The following DDR1 variants were observed in gnomAD, a reference collection of about 807,000 sequenced individuals.
DDR1 encodes epithelial discoidin domain-containing receptor 1.
A neutral mutation model predicts 97.4 loss-of-function variants in DDR1; 64 were observed. The observed-to-expected ratio is 0.66, with a 90% CI of 0.54 to 0.81. The LOEUF is 0.81. Among genes scored for constraint, DDR1 ranks in the 30% least tolerant of loss-of-function variants. The pLI is 0.00. For missense variants in DDR1, 990 were observed against 1,259.6 expected (o/e 0.79, Z 3.24); for synonymous variants, 458 against 503.7 (o/e 0.91, Z 1.21).
At chr6:30,895,244 A>G (rs1313475042) in intron 11 of DDR1, among the ~76,000 whole-genome samples, 160 bp from the exon 12 acceptor site, 2 of 152,066 alleles carry the variant, frequency 1.3e-5, no homozygotes, top group South Asian at 2.1e-4. Flanking sequence ...TTCATTATCC[A>G]GCCAGCCGTC....
rs934376869 is a variant in DDR1 at position 30,898,987 on chromosome 6, G to T, written c.2551G>T (p.Glu851Ter). ...CCAGCCCTTTGGGCAGCTCACCGACGAGCAGGTCATCGAGAACGCGGGGGA... is the reference window on the plus strand; with the variant it reads ...CCAGCCCTTTGGGCAGCTCACCGACTAGCAGGTCATCGAGAACGCGGGGGA... ...RAQPFGQLTDEQVIENAGEFF... is the reference protein window; with the variant it reads ...RAQPFGQLTD The change falls in exon 17 of 18, where the codon GAG (glutamate) becomes TAG (stop). Residue 851 changes from glutamate to a stop codon, truncating the protein, a stop_gained. Transcript: ENST00000376568. LOFTEE classifies it high-confidence loss of function. 19 of 1,614,040 alleles carry T rather than the reference G, an allele frequency of 1.2e-5. No homozygotes were observed. Among genetic ancestry groups the T allele is most frequent in the Non-Finnish European group, 1.5e-5 (18 of 1,180,036 alleles).
In DDR1 at chr6:30,899,290, G is replaced by A. The variant is rs769668137; in HGVS notation, c.2736G>A (p.Thr912=). 8 of 1,607,142 alleles carry A rather than the reference G, an allele frequency of 5.0e-6. No individual in the cohort carries two copies. The highest frequency in any genetic ancestry group is 2.2e-5 in the South Asian group (2 of 90,678). Residue 912 remains threonine, a synonymous_variant, in exon 18 of 18, where the codon ACG becomes ACA. Transcript: ENST00000376568. ...TCCTGGCAGAGGATGCACTCAACACGGTGTGAATCACACATCCAGCTGCCC... is the reference window on the plus strand; with the variant it reads ...TCCTGGCAGAGGATGCACTCAACACAGTGTGAATCACACATCCAGCTGCCC... ...HRFLAEDALN[T]V is the part of the protein sequence containing the mutation.
Position 30,891,401 on chromosome 6 carries a change from C to G in DDR1, c.587C>G (p.Ala196Gly), listed in dbSNP as rs752481620. 19 of 1,612,812 alleles carry G rather than the reference C, an allele frequency of 1.2e-5. No individual in the cohort carries two copies. The East Asian group carries it at 3.1e-4, about 26-fold the overall frequency. Residue 196 changes from alanine (A) to glycine (G), a missense_variant, in exon 6 of 18, where the codon GCC becomes GGC. Ala to Gly is a moderately conservative substitution (Grantham distance 60, BLOSUM62 0). Coordinates refer to ENST00000376568, the MANE Select transcript of DDR1 (RefSeq NM_001297654.2). This position sits in a 1 kb window ranked among gnomAD's most constrained non-coding sequence, Gnocchi z 5.3. ...CCAGATGGACTCCTGTCTTACACCG[C>G]CCCTGTGGGGCAGACAATGTATTTA... Reference protein sequence around the residue: ...LWRDGLLSYTAPVGQTMYLSE... With the variant: ...LWRDGLLSYTGPVGQTMYLSE...
In DDR1 at chr6:30,894,568, C is replaced by T; in HGVS notation, c.1410C>T (p.Ile470=). ...TVHLSVPGDT[I]LINNRPGPRE... The stretch of plus-strand genomic sequence containing the variant: ...ACCTCTCTGTCCCTGGGGACACTAT[C>T]CTCATCAACAACCGCCCAGGTCCTA... Residue 470 remains isoleucine (I), a synonymous_variant, in exon 11 of 18, where the codon ATC becomes ATT. Coordinates refer to ENST00000376568, the MANE Select transcript of DDR1 (RefSeq NM_001297654.2). The surrounding 1 kb of genome is among the most constrained non-coding windows in gnomAD (Gnocchi z 5.7). The T allele has an allele frequency of 6.2e-7, 1 of 1,613,596 alleles. No homozygotes were observed. The highest frequency in any genetic ancestry group is 1.1e-5 in the South Asian group (1 of 91,004).
At chr6:30,885,590 A>G in intron 1 of DDR1, 1 of 1,397,324 alleles carries the variant, frequency 7.2e-7, no homozygotes, top group Non-Finnish European at 9.4e-7. Context: ...TTTTGGTCAC[A>G]GGAGCATGTG....
In DDR1 at chr6:30,889,187, C is replaced by G. The variant is rs749521641; in HGVS notation, c.189-15C>G. On this transcript the variant is annotated splice_polypyrimidine_tract_variant and intron_variant, in intron 3 of 17. Transcript: ENST00000376568. The surrounding 1 kb of genome is among the most constrained non-coding windows in gnomAD (Gnocchi z 4.9). ...CCTGGGGCCAGATGTTCTCTGTGCC[C>G]CTCTTCACCCTCAGGTTGGAGAGCA... 1.9e-6 allele frequency: 3 copies of G among 1,611,696 alleles called. No homozygotes were observed. The highest frequency in any genetic ancestry group is 2.7e-5 in the African/African-American group (2 of 74,904).
At position 30,891,861 on chromosome 6, in the gene DDR1, G is replaced by A. The variant is rs1390435668; in HGVS notation, c.666-141G>A. ...GAGGAGAAGGGCCAGCTGCATGAGT[G>A]TGAGGTGGGATGGGAATGGGACTAG... On this transcript the variant is annotated intron_variant, in intron 6 of 17. Coordinates refer to ENST00000376568, the MANE Select transcript of DDR1 (RefSeq NM_001297654.2). The surrounding 1 kb of genome is among the most constrained non-coding windows in gnomAD (Gnocchi z 5.3). 9 of 890,078 alleles carry A rather than the reference G, an allele frequency of 1.0e-5. No individual in the cohort carries two copies. Among genetic ancestry groups the A allele is most frequent in the South Asian group, 4.6e-5 (3 of 65,892 alleles). 55.1% of individuals were successfully genotyped at this position (890,078 alleles called of 1,614,324 possible). A position where few individuals can be genotyped will look rare whatever the true frequency, so the allele number is the denominator to read the frequency against.
In DDR1 at chr6:30,889,499, A is replaced by C; in HGVS notation, c.417+69A>C. ...CACTTCCAGCTGTACTTTAAACACC[A>C]CCTATACGCTGACGACTCTCCAGTT... is the stretch of plus-strand genomic sequence containing the variant. On this transcript the variant is annotated intron_variant, in intron 4 of 17. Transcript: ENST00000376568. This position sits in a 1 kb window ranked among gnomAD's most constrained non-coding sequence, Gnocchi z 4.9. The C allele has an allele frequency of 8.8e-7, 1 of 1,141,156 alleles. No individual in the cohort carries two copies. The highest frequency in any genetic ancestry group is 1.2e-6 in the Non-Finnish European group (1 of 829,680). 70.7% of individuals were successfully genotyped at this position (1,141,156 alleles called of 1,614,324 possible). A position where few individuals can be genotyped will look rare whatever the true frequency, so the allele number is the denominator to read the frequency against.
Position 30,891,145 on chromosome 6 carries a change from T to G in DDR1, c.565+25T>G, listed in dbSNP as rs1171173379. The G allele has an allele frequency of 3.1e-6, 5 of 1,612,244 alleles. No homozygotes were observed. The South Asian group carries it at 5.5e-5, about 18-fold the overall frequency. On this transcript the variant is annotated intron_variant, in intron 5 of 17. Coordinates refer to ENST00000376568, the MANE Select transcript of DDR1 (RefSeq NM_001297654.2). This position sits in a 1 kb window ranked among gnomAD's most constrained non-coding sequence, Gnocchi z 5.3. ...GGTGAGTGGCTCAGCTTCCTGGGAATCTGTTTCCTGAGCAGGGGACTGGAG... is the reference window on the plus strand; with the variant it reads ...GGTGAGTGGCTCAGCTTCCTGGGAAGCTGTTTCCTGAGCAGGGGACTGGAG...
intron 8 of DDR1, chr6:30,892,842 C>A (rs1582065313): frequency 3.4e-6 from 2 of 589,306 alleles, no homozygotes; most frequent in African/African-American, 3.7e-5. Flanking sequence ...TTCTCTAAGC[C>A]TCCAGATACC....
rs1476094522 is a variant in DDR1, at chr6:30,895,415, T to C, written c.1525T>C (p.Ser509Pro). Reference protein sequence around the residue: ...CVPNGSALLLSNPAYRLLLAT... With the variant: ...CVPNGSALLLPNPAYRLLLAT... ...CCTTCTCCCGACAGCGTTGCTGCTC[T>C]CCAATCCAGCCTACCGCCTCCTTCT... is the stretch of plus-strand genomic sequence containing the variant. The change falls in exon 12 of 18, where the codon TCC becomes CCC. Residue 509 changes from serine (S) to proline (P), a missense_variant. By Grantham distance (74) the Ser-to-Pro change is moderately conservative. Coordinates refer to ENST00000376568, the MANE Select transcript of DDR1 (RefSeq NM_001297654.2). The C allele has an allele frequency of 6.2e-7, 1 of 1,610,460 alleles. No homozygotes were observed. The highest frequency in any genetic ancestry group is 8.5e-7 in the Non-Finnish European group (1 of 1,178,854).
chr6:30,888,693 C>G lies in DDR1; in HGVS notation c.-37C>G. On this transcript the variant is annotated 5_prime_UTR_variant, in exon 2 of 18. Transcript: ENST00000376568. The surrounding 1 kb of genome is among the most constrained non-coding windows in gnomAD (Gnocchi z 4.2). Reference sequence around the variant, plus strand: ...ACCCATTTTATCCCCTGCAGAGATGCTGCCCCCACCCCCTTAGGCCCGAGG... The same window carrying G: ...ACCCATTTTATCCCCTGCAGAGATGGTGCCCCCACCCCCTTAGGCCCGAGG... 6.2e-7 allele frequency: 1 copy of G among 1,611,402 alleles called. No individual in the cohort carries two copies. The highest frequency in any genetic ancestry group is 8.5e-7 in the Non-Finnish European group (1 of 1,179,370).
rs1254714047 is a variant in DDR1 at position 30,889,043 on chromosome 6, C to A, written c.188+33C>A. On this transcript the variant is annotated intron_variant, in intron 3 of 17. Coordinates refer to ENST00000376568, the MANE Select transcript of DDR1 (RefSeq NM_001297654.2). The surrounding 1 kb of genome is among the most constrained non-coding windows in gnomAD (Gnocchi z 4.9). ...GCACACCTGGCACACTTGTAGCTGC[C>A]CCGAGAGGAGCTCCTGGGACCTCTA... The A allele has an allele frequency of 6.2e-7, 1 of 1,607,856 alleles. No individual in the cohort carries two copies. The highest frequency in any genetic ancestry group is 8.5e-7 in the Non-Finnish European group (1 of 1,175,512).
rs769242940 is a variant in DDR1 at position 30,895,509 on chromosome 6, C to T, written c.1619C>T (p.Thr540Ile). Reference protein sequence around the residue: ...PTPAWAKPTNTQAYSGDYMEP... With the variant: ...PTPAWAKPTNIQAYSGDYMEP... ...CCCGCCTGGGCCAAACCCACCAACACCCAGGGTAAGCCCCTCTGCCCCTGG... is the reference window on the plus strand; with the variant it reads ...CCCGCCTGGGCCAAACCCACCAACATCCAGGGTAAGCCCCTCTGCCCCTGG... The change falls in exon 12 of 18, where the codon ACC becomes ATC. Residue 540 changes from threonine (T) to isoleucine (I), a missense_variant. Transcript: ENST00000376568. 2 of 1,591,782 alleles carry T rather than the reference C, an allele frequency of 1.3e-6. No homozygotes were observed. The highest frequency in any genetic ancestry group is 1.7e-6 in the Non-Finnish European group (2 of 1,171,742).
At position 30,897,429 on chromosome 6, in the gene DDR1, A is replaced by G. The variant is rs1791319666; in HGVS notation, c.2048A>G (p.Asn683Ser). 1 of 1,614,102 alleles carries G rather than the reference A, an allele frequency of 6.2e-7. No individual in the cohort carries two copies. Among genetic ancestry groups the G allele is most frequent in the Non-Finnish European group, 8.5e-7 (1 of 1,180,008 alleles). Residue 683 changes from asparagine to serine, a missense_variant, in exon 15 of 18, where the codon AAC becomes AGC. Coordinates refer to ENST00000376568, the MANE Select transcript of DDR1 (RefSeq NM_001297654.2). This position sits in a 1 kb window ranked among gnomAD's most constrained non-coding sequence, Gnocchi z 5.2. ...VKIMSRLKDP[N>S]IIRLLGVCVQ... ...ATCATGTCGAGGCTCAAGGACCCAA[A>G]CATCATTCGGCTGCTGGGCGTGTGT...
In DDR1 at chr6:30,898,299, A is replaced by C; in HGVS notation, c.2443A>C (p.Ile815Leu). The C allele has an allele frequency of 6.2e-7, 1 of 1,612,696 alleles. No individual in the cohort carries two copies. Among genetic ancestry groups the C allele is most frequent in the South Asian group, 1.1e-5 (1 of 91,028 alleles). ...LPIRWMAWEC[I>L]LMGKFTTASD... Reference sequence around the variant, plus strand: ...CATCCGCTGGATGGCCTGGGAGTGCATCCTCATGGTGAGCAGCCCGAGGAC... The same window carrying C: ...CATCCGCTGGATGGCCTGGGAGTGCCTCCTCATGGTGAGCAGCCCGAGGAC... The change falls in exon 16 of 18, where the codon ATC (isoleucine) becomes CTC (leucine). Residue 815 changes from isoleucine to leucine, a missense_variant. Coordinates refer to ENST00000376568, the MANE Select transcript of DDR1 (RefSeq NM_001297654.2).
chr6:30,884,156 G>A (rs7757648), upstream of DDR1: 3,097 of 152,432 alleles, frequency 0.02, 49 homozygotes, highest in Admixed American at 0.035. This position sits in a 1 kb window ranked among gnomAD's most constrained non-coding sequence, Gnocchi z 6.1. Context: ...GTTCTCGTTT[G>A]GGGAAGCGGG....
In DDR1 at chr6:30,890,039, T is replaced by C. The variant is rs555490660; in HGVS notation, c.417+609T>C. On this transcript the variant is annotated intron_variant, in intron 4 of 17. Coordinates refer to ENST00000376568, the MANE Select transcript of DDR1 (RefSeq NM_001297654.2). The surrounding 1 kb of genome is among the most constrained non-coding windows in gnomAD (Gnocchi z 5.0). ...ACCTGCCCGCCATCTCCAGCTTAGATGAGTGCAGTAGATGCCAAACGCGTC... is the reference window on the plus strand; with the variant it reads ...ACCTGCCCGCCATCTCCAGCTTAGACGAGTGCAGTAGATGCCAAACGCGTC... 5.3e-5 allele frequency among the ~76,000 whole-genome samples: 8 copies of C among 152,326 alleles called. No homozygotes were observed. The East Asian group carries it at 1.5e-3, about 29-fold the overall frequency.
chr6:30,889,436 A>ACCG lies in DDR1; in HGVS notation c.417+7_417+8insCGC. On this transcript the variant is annotated splice_region_variant and intron_variant, in intron 4 of 17. Coordinates refer to ENST00000376568, the MANE Select transcript of DDR1 (RefSeq NM_001297654.2). This position sits in a 1 kb window ranked among gnomAD's most constrained non-coding sequence, Gnocchi z 4.9. ...AGGACCGCTGGGGTCAGGAGGTGAG[A>ACCG]CTGGCAGGGGCAGCACCCAGAGGAG... The ACCG allele has an allele frequency of 6.6e-7, 1 of 1,515,370 alleles. No individual in the cohort carries two copies. The highest frequency in any genetic ancestry group is 8.8e-7 in the Non-Finnish European group (1 of 1,132,436). 93.9% of individuals were successfully genotyped at this position (1,515,370 alleles called of 1,614,324 possible).
Sources: allele counts gnomAD v4.1 joint callset (sites outside exome capture counted in the v4.1 genomes callset), GRCh38; gene constraint gnomAD v4.1.1; non-coding constraint Gnocchi (gnomAD v3.1); transcripts MANE v1.5; gene names NCBI Gene and HGNC (gene_info 2026-07-23, HGNC 2026-07-21).